Variants in TBCA observed in about 807,000 individuals in gnomAD.
TBCA encodes the protein tubulin folding cofactor A.
Under a neutral mutation model 15.8 loss-of-function variants are expected in TBCA, and 6 were observed. The ratio of observed to expected loss-of-function variants is 0.38; its 90% CI spans 0.21 to 0.75. The LOEUF is 0.75. TBCA is among the 30% of genes least tolerant of loss of function. TBCA has a pLI of 0.46. For missense variants in TBCA, 90 were observed against 131.2 expected (o/e 0.69, Z 1.53); for synonymous variants, 32 against 42.3 (o/e 0.76, Z 0.94).
At chr5:77,763,161 G>A (rs1011862822) in intron 1 of TBCA, among the ~76,000 whole-genome samples, 6 of 152,064 alleles carry the variant, frequency 3.9e-5, no homozygotes, top group South Asian at 2.1e-4. Context: ...GGAGAATGGC[G>A]TGAACCCGGG....
At chr5:77,755,009 C>T (rs1747440405) in intron 1 of TBCA, among the ~76,000 whole-genome samples, 1 of 152,198 alleles carries the variant, frequency 6.6e-6, no homozygotes, top group Admixed American at 6.5e-5. Context: ...TGTAGCTATA[C>T]ATAAACACAC....
At chr5:77,757,721 A>G (rs1156733498) in intron 1 of TBCA, among the ~76,000 whole-genome samples, 1 of 152,234 alleles carries the variant, frequency 6.6e-6, no homozygotes, top group Non-Finnish European at 1.5e-5. Flanking sequence ...TGAATTCAAA[A>G]TATCTGAGAC....
intron 1 of TBCA, among the ~76,000 whole-genome samples, chr5:77,721,687 TA>T (rs1330174495): frequency 6.6e-6 from 1 of 152,102 alleles, no homozygotes. Flanking sequence ...TAAAATTTGG[TA>T]ATAGTACTTG....
chr5:77,693,352 C>T lies in TBCA; in HGVS notation c.160G>A (p.Ala54Thr), dbSNP rs1712730317. ...ATCCTGGATTCTTGTAGGATCTCTG[C>T]CTAGAATGAGAATCTCTGTGAGACG... ...DGENYDIKKQ[A>T]EILQESRMMI... The change falls in exon 3 of 4, where the codon GCA (alanine) becomes ACA (threonine). Residue 54 changes from alanine (A) to threonine (T), a missense_variant and splice_region_variant. Transcript: ENST00000380377. 2 of 1,608,248 alleles carry T rather than the reference C, an allele frequency of 1.2e-6. No homozygotes were observed.
chr5:77,712,055 C>A (rs914619506), intron 1 of TBCA, among the ~76,000 whole-genome samples: 2 of 151,688 alleles, frequency 1.3e-5, no homozygotes, highest in Non-Finnish European at 2.9e-5. Context: ...GGGTAAGATG[C>A]GGTATGAGAA....
At chr5:77,726,953 G>T (rs1746641796) in intron 1 of TBCA, among the ~76,000 whole-genome samples, 2 of 152,056 alleles carry the variant, frequency 1.3e-5, no homozygotes, top group African/African-American at 4.8e-5. Flanking sequence ...TTCAAGAATT[G>T]TTAGCCCAGA....
intron 1 of TBCA, among the ~76,000 whole-genome samples, chr5:77,745,817 AG>A (rs1412392631): frequency 6.6e-6 from 1 of 152,210 alleles, no homozygotes; most frequent in Non-Finnish European, 1.5e-5. Flanking sequence ...CTGACAAGGG[AG>A]GTACTAGCTA....
At chr5:77,716,257 A>G (rs1382709915) in intron 1 of TBCA, among the ~76,000 whole-genome samples, 2 of 152,232 alleles carry the variant, frequency 1.3e-5, no homozygotes, top group African/African-American at 4.8e-5. Context: ...AAATTAAGCT[A>G]AAGATTGATA....
intron 1 of TBCA, among the ~76,000 whole-genome samples, chr5:77,748,003 T>C (rs140425080): frequency 1.3e-5 from 2 of 152,286 alleles, no homozygotes; most frequent in African/African-American, 2.4e-5. Context: ...AAGCAATTCA[T>C]ATGCAAAGCC....
chr5:77,767,987 T>C (rs1229226661), intron 1 of TBCA, among the ~76,000 whole-genome samples: 1 of 152,216 alleles, frequency 6.6e-6, no homozygotes, highest in Non-Finnish European at 1.5e-5. Context: ...TAAAAGAGGC[T>C]TCACACAGCC....
At chr5:77,762,065 C>T (rs1747656348) in intron 1 of TBCA, among the ~76,000 whole-genome samples, 3 of 152,154 alleles carry the variant, frequency 2.0e-5, no homozygotes, top group Admixed American at 2.0e-4. Context: ...AGGTGAGGCA[C>T]TCTCCTTCAA....
At position 77,708,229 on chromosome 5, in the gene TBCA, G is replaced by A. The variant is rs374278672; in HGVS notation, c.159+13C>T. ...GTAAATGTTAGCTATTGTTATTTAT[G>A]ATATAATTTTACCTGCTTTTTAATG... is the stretch of plus-strand genomic sequence containing the variant. On this transcript the variant is annotated intron_variant, in intron 2 of 3. Transcript: ENST00000380377. The A allele has an allele frequency of 1.6e-6, 2 of 1,239,028 alleles. No homozygotes were observed. Among genetic ancestry groups the A allele is most frequent in the African/African-American group, 1.4e-5 (1 of 70,526 alleles). 76.8% of individuals were successfully genotyped at this position (1,239,028 alleles called of 1,614,324 possible). A position where few individuals can be genotyped will look rare whatever the true frequency, so the allele number is the denominator to read the frequency against.
chr5:77,724,564 A>G (rs547087956), intron 1 of TBCA, among the ~76,000 whole-genome samples: 13 of 152,192 alleles, frequency 8.5e-5, no homozygotes, highest in Non-Finnish European at 1.6e-4. Context: ...TAAGGGCATC[A>G]TATTTATCAA....
chr5:77,775,908 C>T (rs1748011294), intron 1 of TBCA, among the ~76,000 whole-genome samples: 1 of 152,176 alleles, frequency 6.6e-6, no homozygotes, highest in Non-Finnish European at 1.5e-5. Flanking sequence ...CCTCGCAGGC[C>T]GCGGCCCACC....
chr5:77,732,550 CAAAAAAAAAAAAA>C (rs35780694), intron 1 of TBCA, among the ~76,000 whole-genome samples: 1 of 89,490 alleles, frequency 1.1e-5, no homozygotes, highest in Non-Finnish European at 2.3e-5. Flanking sequence ...GACTCTGTCT[CAAAAAAAAAAAAA>C]AAAAAAAAAA....
chr5:77,756,200 A>T (rs1747473600), intron 1 of TBCA, among the ~76,000 whole-genome samples: 1 of 152,126 alleles, frequency 6.6e-6, no homozygotes, highest in African/African-American at 2.4e-5. Flanking sequence ...GTCACCATGG[A>T]GTCATTTCCA....
chr5:77,769,775 G>C (rs1317844121), intron 1 of TBCA, among the ~76,000 whole-genome samples: 2 of 150,494 alleles, frequency 1.3e-5, no homozygotes, highest in Non-Finnish European at 2.9e-5. Flanking sequence ...ATTTAAACAA[G>C]AGTGTTAAAA....
At chr5:77,699,155 C>A (rs193259696) in intron 2 of TBCA, among the ~76,000 whole-genome samples, 1 of 149,592 alleles carries the variant, frequency 6.7e-6, no homozygotes, top group Admixed American at 6.7e-5. Context: ...ATTAGAAAGA[C>A]TTACCATATC....
chr5:77,697,652 A>T (rs1273016289), intron 2 of TBCA, among the ~76,000 whole-genome samples: 1 of 152,142 alleles, frequency 6.6e-6, no homozygotes, highest in African/African-American at 2.4e-5. Flanking sequence ...TGCTTACATT[A>T]ATCAAAAGGA....
Sources: allele counts gnomAD v4.1 joint callset (sites outside exome capture counted in the v4.1 genomes callset), GRCh38; gene constraint gnomAD v4.1.1; transcripts MANE v1.5; gene names NCBI Gene and HGNC (gene_info 2026-07-23, HGNC 2026-07-21).